The following CAST variants were observed in gnomAD, a reference collection of about 807,000 sequenced individuals.
CAST encodes MIR583 host.
A neutral mutation model predicts 119.6 loss-of-function variants in CAST; 76 were observed. The ratio of observed to expected loss-of-function variants is 0.64; its 90% CI spans 0.53 to 0.77. The LOEUF (loss-of-function observed/expected upper bound fraction) is 0.77. Ranked by LOEUF, CAST falls within the 30% of genes least tolerant of loss-of-function variation. CAST has a pLI of 0.00. For missense variants in CAST, 953 were observed against 946.5 expected, an observed-to-expected ratio of 1.01 and a Z score of -0.09; for synonymous variants, 319 against 331.6, an observed-to-expected ratio of 0.96 and a Z score of 0.41.
At chr5:95,984,162 AT>A in the CAST span, among the ~76,000 whole-genome samples, 1 of 151,928 alleles carries the variant, frequency 6.6e-6, no homozygotes, top group Non-Finnish European at 1.5e-5. Flanking sequence ...TATTTGTTGA[AT>A]TTATTGGAAA....
chr5:96,193,079 CAG>C, the CAST span, among the ~76,000 whole-genome samples: 1 of 152,020 alleles, frequency 6.6e-6, no homozygotes, highest in African/African-American at 2.4e-5. Context: ...TGCGTTTAAT[CAG>C]AAAATTTAAG....
the CAST span, among the ~76,000 whole-genome samples, chr5:96,159,597 A>ATCT: frequency 6.6e-6 from 1 of 152,162 alleles, no homozygotes; most frequent in African/African-American, 2.4e-5. Flanking sequence ...AGTTTATATA[A>ATCT]TGCAGATTTT....
chr5:96,128,118 C>G, the CAST span, among the ~76,000 whole-genome samples: 1 of 152,040 alleles, frequency 6.6e-6, no homozygotes, highest in Non-Finnish European at 1.5e-5. Flanking sequence ...CTGACATAAA[C>G]CTTTCTCATC....
the CAST span, chr5:96,423,435 G>C: frequency 6.2e-7 from 1 of 1,614,090 alleles, no homozygotes; most frequent in African/African-American, 1.3e-5. Context: ...AGCTTGGGCA[G>C]GGCTGCCGTC....
intron 20 of CAST, among the ~76,000 whole-genome samples, chr5:96,751,254 A>G (rs1764988825): frequency 6.6e-6 from 1 of 152,180 alleles, no homozygotes; most frequent in Admixed American, 6.5e-5. Flanking sequence ...CTCAGGGAAT[A>G]ACATCTGATG....
At chr5:96,490,255 C>T in the CAST span, among the ~76,000 whole-genome samples, 1 of 152,180 alleles carries the variant, frequency 6.6e-6, no homozygotes. Context: ...ACCTGCCATA[C>T]ACAAAGAACC....
At chr5:96,145,552 A>G in the CAST span, among the ~76,000 whole-genome samples, 1 of 152,154 alleles carries the variant, frequency 6.6e-6, no homozygotes, top group African/African-American at 2.4e-5. Flanking sequence ...ATGTAAGCCA[A>G]AGGAGAGGGA....
chr5:96,271,013 A>C, the CAST span, among the ~76,000 whole-genome samples: 47,803 of 151,832 alleles, frequency 0.31, 7,805 homozygotes, highest in Admixed American at 0.41. Context: ...AAAAAAATGA[A>C]GAAAGCAACC....
chr5:96,309,351 G>T, the CAST span, among the ~76,000 whole-genome samples: 1 of 152,272 alleles, frequency 6.6e-6, no homozygotes. Flanking sequence ...TGTGCTGGCA[G>T]TGAGAATTTC....
the CAST span, among the ~76,000 whole-genome samples, chr5:96,217,466 C>A: frequency 6.6e-6 from 1 of 151,918 alleles, no homozygotes; most frequent in Non-Finnish European, 1.5e-5. Flanking sequence ...TGACTATAAC[C>A]ATTTGGTGCC....
chr5:96,415,227 C>T, the CAST span, among the ~76,000 whole-genome samples: 289 of 152,246 alleles, frequency 1.9e-3, 1 homozygote, highest in African/African-American at 6.6e-3. Flanking sequence ...TTGGGTTCAG[C>T]CAACTGAAGA....
the CAST span, among the ~76,000 whole-genome samples, chr5:96,473,407 A>C: frequency 9.8e-5 from 15 of 152,386 alleles, no homozygotes; most frequent in Non-Finnish European, 8.8e-5. Flanking sequence ...TCTGACAATA[A>C]ATTATATCAC....
the CAST span, among the ~76,000 whole-genome samples, chr5:96,364,251 A>G: frequency 6.6e-6 from 1 of 151,942 alleles, no homozygotes; most frequent in Non-Finnish European, 1.5e-5. Context: ...TTTATTGAGG[A>G]TTTTTGCATC....
chr5:96,556,755 G>A (rs994010813), intron 1 of CAST, among the ~76,000 whole-genome samples: 2 of 152,146 alleles, frequency 1.3e-5, no homozygotes, highest in Non-Finnish European at 2.9e-5. Context: ...AAAGTGATGG[G>A]GAGAATGGAA....
At chr5:96,188,444 A>C in the CAST span, among the ~76,000 whole-genome samples, 1 of 151,928 alleles carries the variant, frequency 6.6e-6, no homozygotes, top group African/African-American at 2.4e-5. Flanking sequence ...ACACTACTCA[A>C]CTTTTTTCCC....
At chr5:96,480,416 T>A in the CAST span, among the ~76,000 whole-genome samples, 21,256 of 152,186 alleles carry the variant, frequency 0.14, 1,541 homozygotes, top group African/African-American at 0.15. Context: ...ATGTACTCGA[T>A]TCTAGACAGA....
At chr5:96,494,882 G>A in the CAST span, among the ~76,000 whole-genome samples, 1 of 152,044 alleles carries the variant, frequency 6.6e-6, no homozygotes, top group Non-Finnish European at 1.5e-5. Flanking sequence ...CTTTGGGAGG[G>A]CAAGGCGGGC....
the CAST span, among the ~76,000 whole-genome samples, chr5:96,366,472 A>G: frequency 6.6e-6 from 1 of 152,270 alleles, no homozygotes; most frequent in African/African-American, 2.4e-5. Flanking sequence ...CACCAATGAG[A>G]CGTAGATTTG....
the CAST span, chr5:96,319,006 A>G: frequency 6.6e-6 from 1 of 152,224 alleles, no homozygotes; most frequent in Non-Finnish European, 1.5e-5. Flanking sequence ...TATAAAGAAA[A>G]GACATTTATT....
Sources: allele counts gnomAD v4.1 joint callset (sites outside exome capture counted in the v4.1 genomes callset), GRCh38; gene constraint gnomAD v4.1.1; transcripts MANE v1.5; gene names NCBI Gene and HGNC (gene_info 2026-07-23, HGNC 2026-07-21).